RBFOX1: variants seen among roughly 807,000 people sequenced by gnomAD.
RBFOX1 encodes the protein RNA binding protein fox-1 homolog 1.
A neutral mutation model predicts 57.7 loss-of-function variants in RBFOX1; 8 were observed. The observed-to-expected ratio is 0.14, with a 90% CI of 0.08 to 0.25. The LOEUF (loss-of-function observed/expected upper bound fraction) is 0.25. Ranked by LOEUF, RBFOX1 falls within the 10% of genes least tolerant of loss-of-function variation. The pLI is 1.00. For synonymous variants in RBFOX1, 326 were observed against 222.4 expected, an observed-to-expected ratio of 1.47 and a Z score of -4.15; for missense variants, 611 against 548.5, an observed-to-expected ratio of 1.11 and a Z score of -1.14.
At chr16:7,415,390 C>T (rs2149217933) in intron 4 of RBFOX1, among the ~76,000 whole-genome samples, 1 of 152,268 alleles carries the variant, frequency 6.6e-6, no homozygotes, top group Middle Eastern at 3.4e-3. Flanking sequence ...TGAGCCAGTG[C>T]ACTTGAAGTT....
chr16:6,744,014 A>C (rs1386191451), intron 3 of RBFOX1, among the ~76,000 whole-genome samples: 2 of 151,956 alleles, frequency 1.3e-5, no homozygotes, highest in Non-Finnish European at 2.9e-5. Context: ...ATGTTTAAAT[A>C]AAGTGTATTT....
At chr16:6,277,657 C>T (rs2075965255) in intron 1 of RBFOX1, among the ~76,000 whole-genome samples, 1 of 94,578 alleles carries the variant, frequency 1.1e-5, no homozygotes. Flanking sequence ...CAGAGAAAGA[C>T]CTTGTCTCAA....
At chr16:6,734,895 A>G (rs1463169531) in intron 3 of RBFOX1, among the ~76,000 whole-genome samples, 2 of 152,220 alleles carry the variant, frequency 1.3e-5, no homozygotes, top group Non-Finnish European at 2.9e-5. Flanking sequence ...AAAGGTTATC[A>G]GAATGTATTA....
At chr16:7,677,169 C>T (rs535158251) in intron 14 of RBFOX1, among the ~76,000 whole-genome samples, 1 of 61,824 alleles carries the variant, frequency 1.6e-5, no homozygotes, top group African/African-American at 4.3e-5. Flanking sequence ...ACCGTACAAC[C>T]TTCTTATGGT....
chr16:7,217,988 A>G (rs1390639863), intron 4 of RBFOX1, among the ~76,000 whole-genome samples: 2 of 150,042 alleles, frequency 1.3e-5, no homozygotes, highest in South Asian at 2.1e-4. Context: ...GTGCATGTGC[A>G]TGTGTGCACG....
intron 3 of RBFOX1, among the ~76,000 whole-genome samples, chr16:6,944,094 C>T (rs140378121): frequency 1.3e-5 from 2 of 152,086 alleles, no homozygotes; most frequent in African/African-American, 2.4e-5. Flanking sequence ...CCAGGCTAGA[C>T]TCTACTTAAG....
At chr16:5,506,315 C>T (rs1315404647) in intron 2 of RBFOX1, among the ~76,000 whole-genome samples, 1 of 152,196 alleles carries the variant, frequency 6.6e-6, no homozygotes, top group Middle Eastern at 3.2e-3. Context: ...GGCACAGAGA[C>T]GTAAGTCGCG....
chr16:7,360,049 A>T (rs566085529), intron 4 of RBFOX1, among the ~76,000 whole-genome samples: 2 of 152,098 alleles, frequency 1.3e-5, no homozygotes, highest in Non-Finnish European at 1.5e-5. Context: ...TAATTACACT[A>T]TATAGTCTTT....
intron 4 of RBFOX1, among the ~76,000 whole-genome samples, chr16:7,075,404 G>T (rs1006347652): frequency 2.0e-5 from 3 of 152,154 alleles, no homozygotes; most frequent in Non-Finnish European, 1.5e-5. Flanking sequence ...AACAGTGTTT[G>T]TTAGCATACA....
At chr16:7,668,184 G>T (rs1251898228) in intron 13 of RBFOX1, among the ~76,000 whole-genome samples, 1 of 152,114 alleles carries the variant, frequency 6.6e-6, no homozygotes, top group African/African-American at 2.4e-5. Flanking sequence ...CCCGTCCTTT[G>T]TTCTTCAAGG....
rs147001161 is a variant in RBFOX1, at chr16:7,110,127, A to G, written c.27+58029A>G. Among the ~76,000 whole-genome samples, 428 of 149,754 alleles carry G rather than the reference A, an allele frequency of 2.9e-3. 4 individuals carry two copies. The highest frequency in any genetic ancestry group is 0.01 in the African/African-American group (414 of 40,584). ...CACATTGGGAGGCTTTGGAAGGAGG[A>G]TTGTTTGAGGCCAGGAGTGTGAGAC... On this transcript the variant is annotated intron_variant, in intron 4 of 15. Transcript: ENST00000550418.
At chr16:5,356,497 C>T (rs2065393064) in intron 1 of RBFOX1, among the ~76,000 whole-genome samples, 1 of 152,144 alleles carries the variant, frequency 6.6e-6, no homozygotes, top group Non-Finnish European at 1.5e-5. Context: ...TTGCTTGTGC[C>T]CTGCCCTGTG....
chr16:6,998,749 C>T (rs961053656), intron 3 of RBFOX1, among the ~76,000 whole-genome samples: 1 of 152,204 alleles, frequency 6.6e-6, no homozygotes, highest in East Asian at 1.9e-4. Flanking sequence ...ATCAGGCTCT[C>T]TTGAGAGAGT....
At chr16:6,301,880 C>G (rs967688639) in intron 1 of RBFOX1, among the ~76,000 whole-genome samples, 1 of 152,128 alleles carries the variant, frequency 6.6e-6, no homozygotes, top group African/African-American at 2.4e-5. Flanking sequence ...TCATTTAATC[C>G]TTACGGGGAT....
intron 3 of RBFOX1, among the ~76,000 whole-genome samples, chr16:6,768,502 A>T (rs1374052855): frequency 6.6e-6 from 1 of 151,982 alleles, no homozygotes; most frequent in Admixed American, 6.6e-5. Context: ...TCCCAGAGAA[A>T]ACTACTATGA....
intron 4 of RBFOX1, among the ~76,000 whole-genome samples, chr16:7,210,038 G>A (rs572135853): frequency 1.1e-4 from 17 of 152,302 alleles, no homozygotes; most frequent in South Asian, 4.1e-4. Context: ...CAGGGATAGC[G>A]ACGCTCAGTG....
At chr16:7,145,810 C>G (rs936721905) in intron 4 of RBFOX1, among the ~76,000 whole-genome samples, 1 of 152,134 alleles carries the variant, frequency 6.6e-6, no homozygotes, top group Non-Finnish European at 1.5e-5. Flanking sequence ...TGTTTGTGTT[C>G]CCGCACACAC....
intron 2 of RBFOX1, among the ~76,000 whole-genome samples, chr16:6,442,389 T>A (rs1290211536): frequency 6.6e-6 from 1 of 151,952 alleles, no homozygotes; most frequent in Admixed American, 6.6e-5. Flanking sequence ...AAATCCTGTC[T>A]CTACTGAAAA....
chr16:6,716,955 G>A (rs894328175), intron 3 of RBFOX1, among the ~76,000 whole-genome samples: 1 of 152,184 alleles, frequency 6.6e-6, no homozygotes, highest in African/African-American at 2.4e-5. Flanking sequence ...TCACTAGAGT[G>A]GAGCCCTCAC....
Sources: allele counts gnomAD v4.1 joint callset (sites outside exome capture counted in the v4.1 genomes callset), GRCh38; gene constraint gnomAD v4.1.1; transcripts MANE v1.5; gene names NCBI Gene and HGNC (gene_info 2026-07-23, HGNC 2026-07-21).